SLC39A10: variants seen among roughly 807,000 people sequenced by gnomAD.
The protein encoded by SLC39A10 is solute carrier family 39 member 10.
A neutral mutation model predicts 65.1 loss-of-function variants in SLC39A10; 13 were observed. The ratio of observed to expected loss-of-function variants is 0.20; its 90% confidence interval spans 0.13 to 0.32. The LOEUF (loss-of-function observed/expected upper bound fraction) is 0.32. Among genes scored for constraint, SLC39A10 ranks in the 10% least tolerant of loss-of-function variants. The pLI is 1.00. For synonymous variants in SLC39A10, 321 were observed against 342.2 expected (o/e 0.94, Z 0.68); for missense variants, 831 against 1,018.4 (o/e 0.82, Z 2.50).
At chr2:195,697,462 A>C (rs1226882483) in intron 3 of SLC39A10, among the ~76,000 whole-genome samples, 1 of 152,084 alleles carries the variant, frequency 6.6e-6, no homozygotes, top group Non-Finnish European at 1.5e-5. Context: ...TTCAAGTTCA[A>C]GTTACACATG....
intron 2 of SLC39A10, among the ~76,000 whole-genome samples, chr2:195,624,531 C>G (rs985206360): frequency 6.6e-6 from 1 of 151,650 alleles, no homozygotes; most frequent in African/African-American, 2.4e-5. Flanking sequence ...ATACAAGATA[C>G]GGTGATTGTC....
rs59116021 is a variant in SLC39A10 at position 195,728,926 on chromosome 2, CT to C, written c.2337+587del. Among the ~76,000 whole-genome samples, 148,266 of 150,286 alleles carry C rather than the reference CT, an allele frequency of 0.99. 73,168 individuals carry two copies. The highest frequency in any genetic ancestry group is 1 in the East Asian group (5,146 of 5,146). On this transcript the variant is annotated intron_variant, in intron 9 of 9. Coordinates refer to ENST00000359634, the MANE Select transcript of SLC39A10 (RefSeq NM_020342.3). This position sits in a 1 kb window ranked among gnomAD's most constrained non-coding sequence, Gnocchi z 4.4. ...TTTGTTTGACTAGATAGGACATTTACTTTTTTTTTTCTGGTAAGATCACAGT... is the reference window on the plus strand; with the variant it reads ...TTTGTTTGACTAGATAGGACATTTACTTTTTTTTTCTGGTAAGATCACAGT...
chr2:195,708,465 T>C lies in SLC39A10; in HGVS notation c.1387-191T>C, dbSNP rs544081353. Among the ~76,000 whole-genome samples the C allele has an allele frequency of 3.1e-4, 47 of 152,326 alleles. No homozygotes were observed. The South Asian group carries it at 8.5e-3, about 28-fold the overall frequency. ...GGTGTCTTTGAGTTACTGTAAAATG[T>C]AGTAGTATTTTGGACAACTGAGTAA... On this transcript the variant is annotated intron_variant, in intron 4 of 9. Coordinates refer to ENST00000359634, the MANE Select transcript of SLC39A10 (RefSeq NM_020342.3).
rs758161455 is a variant in SLC39A10, at chr2:195,728,205, A to G, written c.2193A>G (p.Ala731=). The change falls in exon 9 of 10, where the codon GCA becomes GCG. Residue 731 remains alanine (A), a synonymous_variant. Transcript: ENST00000359634. This position sits in a 1 kb window ranked among gnomAD's most constrained non-coding sequence, Gnocchi z 4.4. ...LLKAGMTVKQ[A]IVYNLLSAMM... is the part of the protein sequence containing the mutation. ...AAGCAGGCATGACTGTAAAGCAAGCAATTGTATACAACCTCCTCTCTGCCA... is the reference window on the plus strand; with the variant it reads ...AAGCAGGCATGACTGTAAAGCAAGCGATTGTATACAACCTCCTCTCTGCCA... 8 of 1,613,940 alleles carry G rather than the reference A, an allele frequency of 5.0e-6. No homozygotes were observed. Among genetic ancestry groups the G allele is most frequent in the Non-Finnish European group, 6.8e-6 (8 of 1,179,852 alleles).
At chr2:195,674,947 T>TA (rs1690026278) in intron 1 of SLC39A10, among the ~76,000 whole-genome samples, 1 of 152,182 alleles carries the variant, frequency 6.6e-6, no homozygotes, top group East Asian at 1.9e-4. Flanking sequence ...TGGGCACTAA[T>TA]ATGAATGGAG....
intron 2 of SLC39A10, among the ~76,000 whole-genome samples, chr2:195,625,195 C>T (rs968561511): frequency 9.2e-6 from 1 of 108,294 alleles, no homozygotes; most frequent in Non-Finnish European, 1.8e-5. Flanking sequence ...CCAGCCTGTG[C>T]GACAGAGGGA....
intron 3 of SLC39A10, among the ~76,000 whole-genome samples, chr2:195,695,033 A>C (rs1690892230): frequency 6.6e-6 from 1 of 152,128 alleles, no homozygotes. Flanking sequence ...GGCATCCCAG[A>C]TTCCACACAG....
chr2:195,700,614 C>T (rs1255698254), intron 3 of SLC39A10, among the ~76,000 whole-genome samples: 5 of 152,210 alleles, frequency 3.3e-5, no homozygotes, highest in African/African-American at 1.2e-4. Context: ...TGGCAACAAA[C>T]TCCCTCAGCT....
chr2:195,720,961 T>A (rs1692012867), intron 8 of SLC39A10, among the ~76,000 whole-genome samples: 1 of 152,164 alleles, frequency 6.6e-6, no homozygotes, highest in Non-Finnish European at 1.5e-5. Flanking sequence ...TTTCCCCCTG[T>A]AACAGGGTCT....
chr2:195,684,048 T>C (rs1181789977), intron 3 of SLC39A10, 142 bp downstream of exon 3: 11 of 639,792 alleles, frequency 1.7e-5, no homozygotes, highest in Non-Finnish European at 2.6e-5. Context: ...GGTTTAGATA[T>C]GCATATTTAA....
rs1306603836 is a variant in SLC39A10 at position 195,736,880 on chromosome 2, A to G, written c.*1839A>G. The G allele has an allele frequency of 6.6e-6, 1 of 151,762 alleles. No individual in the cohort carries two copies. The highest frequency in any genetic ancestry group is 2.1e-4 in the South Asian group (1 of 4,808). The allele number at this position is 151,762 out of a possible 1,614,324, so 9.4% of individuals were successfully genotyped here. On this transcript the variant is annotated 3_prime_UTR_variant, in exon 10 of 10. Coordinates refer to ENST00000359634, the MANE Select transcript of SLC39A10 (RefSeq NM_020342.3). ...GTACTGCCAACTTCAAGTGATTTAG[A>G]TATCTATCTATCTAGATTTCTGAAC...
intron 1 of SLC39A10, 88 bp from the exon 2 acceptor site, chr2:195,679,944 A>G: frequency 8.9e-7 from 1 of 1,125,264 alleles, no homozygotes; most frequent in South Asian, 2.1e-5. Context: ...AACTTTTTTT[A>G]GTGGATTGGC....
intron 7 of SLC39A10, among the ~76,000 whole-genome samples, chr2:195,717,589 G>T (rs1460374423): frequency 4.1e-5 from 6 of 144,970 alleles, no homozygotes; most frequent in Non-Finnish European, 7.6e-5. Flanking sequence ...AGCTGTTTTT[G>T]TTTTTTTTTT....
upstream of SLC39A10, chr2:195,657,131 T>A (rs934327295): frequency 6.5e-6 from 1 of 153,104 alleles, no homozygotes; most frequent in Non-Finnish European, 1.5e-5. Flanking sequence ...GGGAGCTGAG[T>A]GGACCTTGTA....
chr2:195,625,285 T>C (rs1191103130), intron 2 of SLC39A10, among the ~76,000 whole-genome samples: 2 of 146,888 alleles, frequency 1.4e-5, no homozygotes, highest in Admixed American at 1.4e-4. Flanking sequence ...TTTTTTTTCT[T>C]TTTTTTTGAG....
chr2:195,690,584 CT>C (rs1166926040), intron 3 of SLC39A10, among the ~76,000 whole-genome samples: 5 of 152,118 alleles, frequency 3.3e-5, no homozygotes, highest in Non-Finnish European at 5.9e-5. Context: ...GAGGTGGTAT[CT>C]CATTGTAGTT....
chr2:195,671,312 G>C (rs971870626), intron 1 of SLC39A10, among the ~76,000 whole-genome samples: 1 of 152,082 alleles, frequency 6.6e-6, no homozygotes, highest in African/African-American at 2.4e-5. Flanking sequence ...TTTTAACTGT[G>C]GTTATGTATT....
Position 195,667,929 on chromosome 2 carries a change from A to T in SLC39A10, c.-12+10648A>T, listed in dbSNP as rs938857537. On this transcript the variant is annotated intron_variant, in intron 1 of 9. Transcript: ENST00000359634. The stretch of plus-strand genomic sequence containing the variant: ...TAACAAATATTTTACAAAAATATGT[A>T]CGTAATTTTATTTTGTTCTTATAGT... Among the ~76,000 whole-genome samples, 6 of 152,238 alleles carry T rather than the reference A, an allele frequency of 3.9e-5. 1 individual carries two copies. The highest frequency in any genetic ancestry group is 1.4e-4 in the African/African-American group (6 of 41,468).
intron 3 of SLC39A10, among the ~76,000 whole-genome samples, chr2:195,704,626 C>T (rs534080057): frequency 5.3e-4 from 80 of 152,296 alleles, no homozygotes; most frequent in African/African-American, 1.8e-3. Flanking sequence ...ACGGGACAAA[C>T]AAACTAGCCT....
Sources: allele counts gnomAD v4.1 joint callset (sites outside exome capture counted in the v4.1 genomes callset), GRCh38; gene constraint gnomAD v4.1.1; non-coding constraint Gnocchi (gnomAD v3.1); transcripts MANE v1.5; gene names NCBI Gene and HGNC (gene_info 2026-07-23, HGNC 2026-07-21).